Variants in ROR2 observed in about 807,000 individuals in gnomAD.
ROR2 encodes tyrosine-protein kinase transmembrane receptor ROR2.
ROR2 carries 33 observed loss-of-function variants against 74.9 expected under a neutral mutation model. The ratio of observed to expected loss-of-function variants is 0.44; its 90% CI spans 0.33 to 0.59. The LOEUF is 0.59. Among genes scored for constraint, ROR2 ranks in the 20% least tolerant of loss-of-function variants. The pLI, the probability that ROR2 is intolerant of heterozygous loss-of-function variation, is 0.02. For synonymous variants in ROR2, 586 were observed against 558.7 expected, an observed-to-expected ratio of 1.05 and a Z score of -0.69; for missense variants, 1,216 against 1,313.8, an observed-to-expected ratio of 0.93 and a Z score of 1.15.
intron 1 of ROR2, among the ~76,000 whole-genome samples, chr9:91,912,444 A>C (rs1457136158): frequency 6.6e-6 from 1 of 152,238 alleles, no homozygotes; most frequent in Non-Finnish European, 1.5e-5. Context: ...TGACTTGATC[A>C]TCGCACATTG....
chr9:91,726,784 C>T (rs1837056604), intron 7 of ROR2, 41 bp from the exon 8 acceptor site: 1 of 1,593,386 alleles, frequency 6.3e-7, no homozygotes, highest in Non-Finnish European at 8.6e-7. Flanking sequence ...AGAAAACATC[C>T]CTTTTCTACT....
At chr9:91,855,632 C>T (rs974354875) in intron 1 of ROR2, among the ~76,000 whole-genome samples, 5 of 152,170 alleles carry the variant, frequency 3.3e-5, no homozygotes, top group Non-Finnish European at 7.4e-5. Flanking sequence ...TGGAGGAATG[C>T]TTCTCCCCAG....
chr9:91,727,629 TGGTGGAA>T (rs1837088927), intron 7 of ROR2, among the ~76,000 whole-genome samples: 3 of 152,174 alleles, frequency 2.0e-5, no homozygotes, highest in Non-Finnish European at 4.4e-5. Flanking sequence ...ACCCTAAGCC[TGGTGGAA>T]GGTGAGTTCT....
At chr9:91,881,760 G>C (rs955674694) in intron 1 of ROR2, among the ~76,000 whole-genome samples, 2 of 152,164 alleles carry the variant, frequency 1.3e-5, no homozygotes, top group Non-Finnish European at 2.9e-5. Flanking sequence ...AAGACCAGGG[G>C]AATTATCACA....
At chr9:91,838,176 T>A (rs1248144971) in intron 1 of ROR2, among the ~76,000 whole-genome samples, 2 of 152,206 alleles carry the variant, frequency 1.3e-5, no homozygotes, top group Non-Finnish European at 2.9e-5. Flanking sequence ...CTGAAAGATG[T>A]GTTCACTGCA....
At position 91,733,126 on chromosome 9, in the gene ROR2, G is replaced by T. The variant is rs947876107; in HGVS notation, c.933C>A (p.Gly311=). Residue 311 remains glycine, a synonymous_variant, in exon 6 of 9, where the codon GGC becomes GGA. Transcript: ENST00000375708. The surrounding 1 kb of genome is among the most constrained non-coding windows in gnomAD (Gnocchi z 5.7). ...CCCGGGCCCTCGGGCACTCACAGCG[G>T]CCCAGCCTCTCGGCTGGGATGCCAA... ...MRIGIPAERL[G]RYHQCYNGSG... is the part of the protein sequence containing the mutation. 19 of 1,592,926 alleles carry T rather than the reference G, an allele frequency of 1.2e-5. No homozygotes were observed. The highest frequency in any genetic ancestry group is 1.5e-5 in the Non-Finnish European group (18 of 1,171,826).
intron 1 of ROR2, among the ~76,000 whole-genome samples, chr9:91,812,285 T>C (rs1004612126): frequency 2.0e-5 from 3 of 152,156 alleles, no homozygotes; most frequent in Non-Finnish European, 4.4e-5. Flanking sequence ...GAAGTAGAGA[T>C]GCAGAAGAAA....
intron 1 of ROR2, among the ~76,000 whole-genome samples, chr9:91,834,706 A>G (rs1461357154): frequency 6.6e-6 from 1 of 152,212 alleles, no homozygotes; most frequent in East Asian, 1.9e-4. Flanking sequence ...ACCTTCTCCA[A>G]AGGTATGGAT....
intron 1 of ROR2, among the ~76,000 whole-genome samples, chr9:91,937,568 G>A (rs868549391): frequency 2.2e-4 from 34 of 152,128 alleles, no homozygotes; most frequent in African/African-American, 8.2e-4. Flanking sequence ...TACAAAGCAA[G>A]GAGGGAGATG....
At chr9:91,898,457 C>T (rs761339997) in intron 1 of ROR2, among the ~76,000 whole-genome samples, 1 of 152,206 alleles carries the variant, frequency 6.6e-6, no homozygotes, top group Admixed American at 6.5e-5. Flanking sequence ...AAAAAACACA[C>T]TGGAGAGCCA....
intron 1 of ROR2, among the ~76,000 whole-genome samples, chr9:91,866,365 G>T (rs1337536819): frequency 6.7e-6 from 1 of 149,558 alleles, no homozygotes; most frequent in Admixed American, 6.7e-5. Flanking sequence ...TTATCTGCCC[G>T]CCTCGGCCTC....
chr9:91,824,065 T>C (rs1284898411), intron 1 of ROR2, among the ~76,000 whole-genome samples: 3 of 152,330 alleles, frequency 2.0e-5, no homozygotes, highest in East Asian at 3.9e-4. Context: ...TCTAAGTCGA[T>C]GGGCAGAGAA....
intron 1 of ROR2, among the ~76,000 whole-genome samples, chr9:91,807,983 C>T (rs947200387): frequency 2.0e-5 from 3 of 152,078 alleles, no homozygotes; most frequent in African/African-American, 7.2e-5. Context: ...CGGTCGCAAG[C>T]CTGTCTATAC....
chr9:91,946,857 C>T (rs1217305323), intron 1 of ROR2, among the ~76,000 whole-genome samples: 1 of 152,180 alleles, frequency 6.6e-6, no homozygotes, highest in Non-Finnish European at 1.5e-5. Context: ...ATCTTCCCTA[C>T]CTGTCAGATG....
At position 91,723,688 on chromosome 9, in the gene ROR2, C is replaced by T. The variant is rs771882038; in HGVS notation, c.2806G>A (p.Glu936Lys). 8 of 1,613,864 alleles carry T rather than the reference C, an allele frequency of 5.0e-6. No homozygotes were observed. The Admixed American group carries it at 6.7e-5, about 13-fold the overall frequency. The change falls in exon 9 of 9, where the codon GAG (glutamate) becomes AAG (lysine). Residue 936 changes from glutamate (E) to lysine (K), a missense_variant. Physicochemically the swap from Glu to Lys is moderately conservative, Grantham distance 56 (BLOSUM62 1). Coordinates refer to ENST00000375708, the MANE Select transcript of ROR2 (RefSeq NM_004560.4). ...LGDCDTLQVDEAQVQLEA is the reference protein window; with the variant it reads ...LGDCDTLQVDKAQVQLEA ...CAAGCTTCCAGCTGGACTTGGGCCT[C>T]GTCCACCTGCAGAGTGTCACAGTCC...
At chr9:91,804,421 C>G (rs115732406) in intron 1 of ROR2, among the ~76,000 whole-genome samples, 1,601 of 152,320 alleles carry the variant, frequency 0.011, 30 homozygotes, top group African/African-American at 0.036. Flanking sequence ...CTTTGCTCGA[C>G]AGCCTCTTAT....
chr9:91,753,613 AG>A (rs1825654279), intron 4 of ROR2, among the ~76,000 whole-genome samples: 1 of 152,182 alleles, frequency 6.6e-6, no homozygotes, highest in African/African-American at 2.4e-5. Context: ...GGGCCAGGGA[AG>A]GGAGACGCGG....
intron 1 of ROR2, among the ~76,000 whole-genome samples, chr9:91,808,631 A>T (rs1305856966): frequency 6.6e-6 from 1 of 151,190 alleles, no homozygotes; most frequent in Non-Finnish European, 1.5e-5. Flanking sequence ...TCAAAAAAAA[A>T]TCATAAATTA....
chr9:91,909,838 G>GTTAT (rs1830909954), intron 1 of ROR2, among the ~76,000 whole-genome samples: 3 of 63,198 alleles, frequency 4.7e-5, no homozygotes, highest in African/African-American at 1.9e-4. Flanking sequence ...TTTTTTTTAG[G>GTTAT]TTTGTTTTGT....
Sources: gnomAD v4.1 joint callset for allele counts (sites outside exome capture counted in the v4.1 genomes callset) on GRCh38, gnomAD v4.1.1 for gene constraint, Gnocchi (gnomAD v3.1) non-coding constraint, MANE v1.5 for transcripts, NCBI Gene and HGNC (gene_info 2026-07-23, HGNC 2026-07-21) for gene names.